The following HHIP variants were observed in gnomAD, a reference collection of about 807,000 sequenced individuals.
HHIP encodes hedgehog interacting protein.
In HHIP, 12 loss-of-function variants were observed where a neutral mutation model predicts 74.0. The ratio of observed to expected loss-of-function variants is 0.16; its 90% CI spans 0.10 to 0.26. The LOEUF is 0.26. Ranked by LOEUF, HHIP falls within the 10% of genes least tolerant of loss-of-function variation. The probability of loss-of-function intolerance (pLI) is 1.00; values close to 1 mark genes in which losing one functional copy is unlikely to be tolerated. For synonymous variants in HHIP, 309 were observed against 311.6 expected (o/e 0.99, Z 0.09); for missense variants, 788 against 845.0 (o/e 0.93, Z 0.84).
At position 144,739,982 on chromosome 4, in the gene HHIP, C is replaced by G. The variant is rs1731223552; in HGVS notation, c.*2025C>G. 6.6e-6 allele frequency: 1 copy of G among 151,920 alleles called. No homozygotes were observed. 9.4% of individuals were successfully genotyped at this position (151,920 alleles called of 1,614,324 possible). ...CTGAATTCCATCACAGAAAGTTTTACAATTAAAAAAAAATGTCCTGACAAC... is the reference window on the plus strand; with the variant it reads ...CTGAATTCCATCACAGAAAGTTTTAGAATTAAAAAAAAATGTCCTGACAAC... On this transcript the variant is annotated 3_prime_UTR_variant, in exon 13 of 13. Coordinates refer to ENST00000296575, the MANE Select transcript of HHIP (RefSeq NM_022475.3).
In HHIP at chr4:144,738,123, A is replaced by T. The variant is rs1731171044; in HGVS notation, c.*166A>T. 7.7e-7 allele frequency: 1 copy of T among 1,303,200 alleles called. No individual in the cohort carries two copies. Among genetic ancestry groups the T allele is most frequent in the Admixed American group, 3.5e-5 (1 of 28,552 alleles). The allele number at this position is 1,303,200 out of a possible 1,614,324, so 80.7% of individuals were successfully genotyped here. ...GCAGATCCTCTGTGTGTATGTCAGC[A>T]TGTTTGTTCACATATGCACATACAC... On this transcript the variant is annotated 3_prime_UTR_variant, in exon 13 of 13. Transcript: ENST00000296575.
At position 144,646,418 on chromosome 4, in the gene HHIP, C is replaced by A; in HGVS notation, c.-258C>A. On this transcript the variant is annotated 5_prime_UTR_variant, in exon 1 of 13. Transcript: ENST00000296575. Reference sequence around the variant, plus strand: ...AAGCCCCCAACCCAACTGACACTGGCACAACTGCAAACGGTGTCATCCGCA... The same window carrying A: ...AAGCCCCCAACCCAACTGACACTGGAACAACTGCAAACGGTGTCATCCGCA... The A allele has an allele frequency of 2.4e-6, 1 of 418,766 alleles. No homozygotes were observed. The highest frequency in any genetic ancestry group is 5.3e-5 in the South Asian group (1 of 19,032). The allele number at this position is 418,766 out of a possible 1,614,324, so 25.9% of individuals were successfully genotyped here. A position where few individuals can be genotyped will look rare whatever the true frequency, so the allele number is the denominator to read the frequency against.
At position 144,744,182 on chromosome 4, in the gene HHIP, G is replaced by A. The variant is rs1202046799; in HGVS notation, c.*6225G>A. 6.6e-6 allele frequency: 1 copy of A among 152,038 alleles called. No individual in the cohort carries two copies. Among genetic ancestry groups the A allele is most frequent in the Non-Finnish European group, 1.5e-5 (1 of 67,994 alleles). 9.4% of individuals were successfully genotyped at this position (152,038 alleles called of 1,614,324 possible). On this transcript the variant is annotated 3_prime_UTR_variant, in exon 13 of 13. Coordinates refer to ENST00000296575, the MANE Select transcript of HHIP (RefSeq NM_022475.3). Reference sequence around the variant, plus strand: ...ACTTGATTCCCCAGGACATGCTACAGTAAACTAAACTATTTATTCAAAAGT... The same window carrying A: ...ACTTGATTCCCCAGGACATGCTACAATAAACTAAACTATTTATTCAAAAGT...
intron 11 of HHIP, among the ~76,000 whole-genome samples, chr4:144,721,638 C>A (rs1444369120): frequency 6.7e-6 from 1 of 149,630 alleles, no homozygotes; most frequent in Non-Finnish European, 1.5e-5. Flanking sequence ...TGGTGGCTCA[C>A]GCCTGTAATC....
At chr4:144,713,616 T>C (rs1355470570) in intron 8 of HHIP, among the ~76,000 whole-genome samples, 1 of 152,124 alleles carries the variant, frequency 6.6e-6, no homozygotes, top group Admixed American at 6.6e-5. Flanking sequence ...ACTATACACA[T>C]GTAATCAGGA....
At chr4:144,730,908 T>C (rs1247700531) in intron 11 of HHIP, among the ~76,000 whole-genome samples, 1 of 152,194 alleles carries the variant, frequency 6.6e-6, no homozygotes, top group Non-Finnish European at 1.5e-5. Context: ...AAATGAATTT[T>C]AATGTGTTGA....
intron 4 of HHIP, among the ~76,000 whole-genome samples, chr4:144,677,177 T>C (rs1729190881): frequency 6.6e-6 from 1 of 152,198 alleles, no homozygotes; most frequent in Non-Finnish European, 1.5e-5. Context: ...CTTCCCCTTG[T>C]ACAGGATTTG....
rs557228044 is a variant in HHIP at position 144,695,788 on chromosome 4, T to C, written c.832-10743T>C. ...AATCATTCATTAATAAACCAGCCAC[T>C]GGTAACACATGCCACGTAAATCTCC... On this transcript the variant is annotated intron_variant, in intron 4 of 12. Coordinates refer to ENST00000296575, the MANE Select transcript of HHIP (RefSeq NM_022475.3). Among the ~76,000 whole-genome samples, 10 of 152,036 alleles carry C rather than the reference T, an allele frequency of 6.6e-5. No individual in the cohort carries two copies. In the South Asian group the frequency reaches 2.1e-3, roughly 32 times the overall value.
At chr4:144,686,819 G>A (rs1033873353) in intron 4 of HHIP, among the ~76,000 whole-genome samples, 4 of 152,244 alleles carry the variant, frequency 2.6e-5, no homozygotes, top group African/African-American at 9.6e-5. Flanking sequence ...AATGCAGCTT[G>A]TACAGTTGTC....
At chr4:144,691,870 GT>G (rs1301268923) in intron 4 of HHIP, among the ~76,000 whole-genome samples, 1 of 151,576 alleles carries the variant, frequency 6.6e-6, no homozygotes, top group Admixed American at 6.6e-5. Flanking sequence ...TCCAATTATA[GT>G]TTTCCACCTG....
intron 2 of HHIP, among the ~76,000 whole-genome samples, chr4:144,657,743 C>T (rs574600727): frequency 2.7e-4 from 41 of 152,108 alleles, no homozygotes; most frequent in Middle Eastern, 6.8e-3. Flanking sequence ...TAAGTAACTC[C>T]GTTGTGTTTT....
intron 11 of HHIP, among the ~76,000 whole-genome samples, chr4:144,732,939 G>C (rs994057666): frequency 6.6e-6 from 1 of 152,158 alleles, no homozygotes; most frequent in Admixed American, 6.5e-5. Flanking sequence ...CCACTCAGTG[G>C]CCTATGACTC....
At chr4:144,705,612 C>T (rs530880500) in intron 4 of HHIP, among the ~76,000 whole-genome samples, 1 of 152,200 alleles carries the variant, frequency 6.6e-6, no homozygotes, top group South Asian at 2.1e-4. Flanking sequence ...AATTCCTAGA[C>T]TATTTGTGGG....
At chr4:144,694,850 T>G (rs1729769336) in intron 4 of HHIP, among the ~76,000 whole-genome samples, 1 of 151,846 alleles carries the variant, frequency 6.6e-6, no homozygotes, top group Non-Finnish European at 1.5e-5. Context: ...AATGAAATAA[T>G]AAGTCCATTT....
Position 144,745,270 on chromosome 4 carries a change from G to T in HHIP, c.*7313G>T, listed in dbSNP as rs1036408819. The T allele has an allele frequency of 8.6e-5, 13 of 151,980 alleles. No homozygotes were observed. The highest frequency in any genetic ancestry group is 1.9e-4 in the Non-Finnish European group (13 of 67,978). 9.4% of individuals were successfully genotyped at this position (151,980 alleles called of 1,614,324 possible). A position where few individuals can be genotyped will look rare whatever the true frequency, so the allele number is the denominator to read the frequency against. ...ATGATTAAACTTTATCTTATGACTT[G>T]ATGTACATGTGCTATTTTAAAATTC... On this transcript the variant is annotated 3_prime_UTR_variant, in exon 13 of 13. Coordinates refer to ENST00000296575, the MANE Select transcript of HHIP (RefSeq NM_022475.3).
intron 4 of HHIP, among the ~76,000 whole-genome samples, chr4:144,690,967 A>C (rs73854044): frequency 0.043 from 6,615 of 152,250 alleles, 456 homozygotes; most frequent in African/African-American, 0.15. Context: ...CCAGCTCAGC[A>C]GCAGGGGATG....
At chr4:144,735,818 A>T (rs533718230) in intron 12 of HHIP, among the ~76,000 whole-genome samples, 1 of 152,174 alleles carries the variant, frequency 6.6e-6, no homozygotes, top group Non-Finnish European at 1.5e-5. Context: ...TTGCCTAACA[A>T]AAAAACCAAC....
At chr4:144,720,576 A>T (rs1408600374) in intron 11 of HHIP, among the ~76,000 whole-genome samples, 3 of 151,932 alleles carry the variant, frequency 2.0e-5, no homozygotes, top group African/African-American at 7.3e-5. Flanking sequence ...TGGCTTTGTG[A>T]TCTTAGTTCT....
At chr4:144,725,724 A>G (rs758684525) in intron 11 of HHIP, among the ~76,000 whole-genome samples, 1 of 152,016 alleles carries the variant, frequency 6.6e-6, no homozygotes, top group Non-Finnish European at 1.5e-5. Context: ...GATGGAGTGC[A>G]ATGGCACGAT....
Sources: gnomAD v4.1 joint callset for allele counts (sites outside exome capture counted in the v4.1 genomes callset) on GRCh38, gnomAD v4.1.1 for gene constraint, MANE v1.5 for transcripts, NCBI Gene and HGNC (gene_info 2026-07-23, HGNC 2026-07-21) for gene names.